Variants in PPM1D observed in about 807,000 individuals in gnomAD.
PPM1D encodes protein phosphatase, Mg2+/Mn2+ dependent 1D.
A neutral mutation model predicts 58.3 loss-of-function variants in PPM1D; 52 were observed. That is an observed-to-expected ratio of 0.89 (90% confidence interval 0.71 to 1.12). The LOEUF (loss-of-function observed/expected upper bound fraction) is 1.12. PPM1D is among the 50% of genes most tolerant of loss of function. PPM1D has a pLI of 0.00. For synonymous variants in PPM1D, 278 were observed against 285.1 expected, an observed-to-expected ratio of 0.98 and a Z score of 0.25; for missense variants, 564 against 777.2, an observed-to-expected ratio of 0.73 and a Z score of 3.26.
intron 2 of PPM1D, among the ~76,000 whole-genome samples, chr17:60,626,664 G>A (rs888118673): frequency 6.6e-6 from 1 of 151,984 alleles, no homozygotes; most frequent in African/African-American, 2.4e-5. Flanking sequence ...AAAGTGCTGG[G>A]ATTACAGGCG....
chr17:60,623,656 C>T lies in PPM1D; in HGVS notation c.608C>T (p.Pro203Leu), dbSNP rs1424685301. 6 of 1,613,952 alleles carry T rather than the reference C, an allele frequency of 3.7e-6. No individual in the cohort carries two copies. In the East Asian group the frequency reaches 6.7e-5, roughly 18 times the overall value. The change falls in exon 2 of 6, where the codon CCG (proline) becomes CTG (leucine). Residue 203 changes from proline to leucine, a missense_variant. This residue lies in a region of PPM1D where 95 missense variants were observed against 232.6 expected (regional missense o/e 0.41). Transcript: ENST00000305921. Reference sequence around the variant, plus strand: ...GTGGTTCTTGGAATTCAGGATGACCCGAAGGATGACTTTGTCAGAGCTGTG... The same window carrying T: ...GTGGTTCTTGGAATTCAGGATGACCTGAAGGATGACTTTGTCAGAGCTGTG... ...SGVVLGIQDD[P>L]KDDFVRAVEV...
rs2030171254 is a variant in PPM1D, at chr17:60,600,266, T to C, written c.-149T>C. 2.8e-6 allele frequency: 4 copies of C among 1,406,474 alleles called. No individual in the cohort carries two copies. The highest frequency in any genetic ancestry group is 2.8e-5 in the Admixed American group (1 of 36,098). 87.1% of individuals were successfully genotyped at this position (1,406,474 alleles called of 1,614,324 possible). On this transcript the variant is annotated 5_prime_UTR_variant, in exon 1 of 6. Coordinates refer to ENST00000305921, the MANE Select transcript of PPM1D (RefSeq NM_003620.4). Reference sequence around the variant, plus strand: ...CAGCTCTCGCGGACAAGTCCAGACATCGCGCGCCCCCCCTTCTCCGGGTCC... The same window carrying C: ...CAGCTCTCGCGGACAAGTCCAGACACCGCGCGCCCCCCCTTCTCCGGGTCC...
chr17:60,613,895 C>G (rs2030517299), intron 1 of PPM1D, among the ~76,000 whole-genome samples: 1 of 134,900 alleles, frequency 7.4e-6, no homozygotes, highest in African/African-American at 2.6e-5. Flanking sequence ...CTGAGGCCCC[C>G]CCCCCGCCAC....
chr17:60,614,711 C>T (rs770161856), intron 1 of PPM1D, among the ~76,000 whole-genome samples: 1 of 152,188 alleles, frequency 6.6e-6, no homozygotes, highest in African/African-American at 2.4e-5. Flanking sequence ...ACTCCTGAAG[C>T]CAGGGAGACC....
chr17:60,612,280 A>G (rs892670653), intron 1 of PPM1D, among the ~76,000 whole-genome samples: 5 of 152,094 alleles, frequency 3.3e-5, no homozygotes, highest in Admixed American at 2.0e-4. Flanking sequence ...TATTTTTTCT[A>G]TAATTTTATA....
At chr17:60,617,804 T>C (rs2030615556) in intron 1 of PPM1D, among the ~76,000 whole-genome samples, 1 of 152,166 alleles carries the variant, frequency 6.6e-6, no homozygotes, top group African/African-American at 2.4e-5. Flanking sequence ...GAAAAGGTCA[T>C]AAAACATAAA....
Position 60,600,759 on chromosome 17 carries a change from T to C in PPM1D, c.345T>C (p.Phe115=). ...DGHGGREAAQ[F]AREHLWGFIK... Reference sequence around the variant, plus strand: ...ACGGCGGGCGGGAGGCGGCACAGTTTGCCCGGGAGCACTTGTGGGGTTTCA... The same window carrying C: ...ACGGCGGGCGGGAGGCGGCACAGTTCGCCCGGGAGCACTTGTGGGGTTTCA... Residue 115 remains phenylalanine (F), a synonymous_variant, in exon 1 of 6, where the codon TTT becomes TTC. Transcript: ENST00000305921. 6.2e-7 allele frequency: 1 copy of C among 1,612,276 alleles called. No individual in the cohort carries two copies. The highest frequency in any genetic ancestry group is 2.2e-5 in the East Asian group (1 of 44,742).
chr17:60,632,968 AAAAT>A (rs1170023867), intron 2 of PPM1D, among the ~76,000 whole-genome samples: 11 of 151,858 alleles, frequency 7.2e-5, no homozygotes, highest in Non-Finnish European at 1.3e-4. Context: ...ACTCCATCTC[AAAAT>A]AAATAAATAA....
At chr17:60,650,723 T>G (rs894544750) in intron 4 of PPM1D, among the ~76,000 whole-genome samples, 4 of 152,140 alleles carry the variant, frequency 2.6e-5, no homozygotes, top group Admixed American at 6.5e-5. Flanking sequence ...GGGAGGTAAT[T>G]AGTTCAGACA....
At chr17:60,612,264 G>A (rs185861338) in intron 1 of PPM1D, among the ~76,000 whole-genome samples, 72 of 152,196 alleles carry the variant, frequency 4.7e-4, no homozygotes, top group Non-Finnish European at 7.4e-5. Flanking sequence ...TTTCTGTCTT[G>A]TAGATTATTT....
chr17:60,648,640 A>G lies in PPM1D; in HGVS notation c.1017+558A>G, dbSNP rs374721276. ...CGTGATCCGCCTGCCTTGGCCTCCC[A>G]AAGTGCTGGGATTACAGGCGTGAGC... On this transcript the variant is annotated intron_variant, in intron 4 of 5. Coordinates refer to ENST00000305921, the MANE Select transcript of PPM1D (RefSeq NM_003620.4). Among the ~76,000 whole-genome samples the G allele has an allele frequency of 9.6e-4, 146 of 152,246 alleles. 6 individuals are homozygous for G. The South Asian group carries it at 0.03, about 31-fold the overall frequency.
intron 3 of PPM1D, among the ~76,000 whole-genome samples, chr17:60,645,372 A>G (rs2031213766): frequency 6.6e-6 from 1 of 151,398 alleles, no homozygotes; most frequent in Non-Finnish European, 1.5e-5. Flanking sequence ...AGAAAAAGAT[A>G]TTGGAGACTA....
chr17:60,602,779 G>GAA (rs34932283), intron 1 of PPM1D, among the ~76,000 whole-genome samples: 11 of 95,732 alleles, frequency 1.1e-4, no homozygotes, highest in East Asian at 8.8e-4. Context: ...CTCAAAGCTT[G>GAA]AAAAAAAAAA....
At chr17:60,609,750 A>G (rs1429351132) in intron 1 of PPM1D, among the ~76,000 whole-genome samples, 5 of 152,182 alleles carry the variant, frequency 3.3e-5, no homozygotes, top group Non-Finnish European at 7.3e-5. Context: ...TTTATGTTCA[A>G]GTGACTCTTA....
At chr17:60,604,546 A>C (rs1429577315) in intron 1 of PPM1D, 3 of 152,184 alleles carry the variant, frequency 2.0e-5, no homozygotes, top group African/African-American at 7.2e-5. Flanking sequence ...GTCATATAGA[A>C]TATTAAAAAG....
intron 1 of PPM1D, among the ~76,000 whole-genome samples, chr17:60,603,628 T>C (rs1444218290): frequency 6.6e-6 from 1 of 152,146 alleles, no homozygotes; most frequent in Non-Finnish European, 1.5e-5. Context: ...CCGGGTGTGG[T>C]GGTGCATGCC....
chr17:60,618,328 T>C (rs1862339583), intron 1 of PPM1D, among the ~76,000 whole-genome samples: 1 of 152,220 alleles, frequency 6.6e-6, no homozygotes, highest in Non-Finnish European at 1.5e-5. Flanking sequence ...TAGGAGGTAG[T>C]CAAAGAGTAT....
Position 60,609,416 on chromosome 17 carries a change from A to G in PPM1D, c.472+8530A>G, listed in dbSNP as rs562560316. Among the ~76,000 whole-genome samples, 119 of 151,290 alleles carry G rather than the reference A, an allele frequency of 7.9e-4. 1 individual carries two copies. Among genetic ancestry groups the G allele is most frequent in the African/African-American group, 2.5e-3 (100 of 40,598 alleles). Reference sequence around the variant, plus strand: ...CCTGCATGGTTTTTATAACTTATATATGACATCTTACTATATGTATGCTAT... The same window carrying G: ...CCTGCATGGTTTTTATAACTTATATGTGACATCTTACTATATGTATGCTAT... On this transcript the variant is annotated intron_variant, in intron 1 of 5. Coordinates refer to ENST00000305921, the MANE Select transcript of PPM1D (RefSeq NM_003620.4).
chr17:60,661,392 GGA>G (rs753529556), intron 5 of PPM1D, among the ~76,000 whole-genome samples: 6 of 151,956 alleles, frequency 3.9e-5, no homozygotes, highest in Non-Finnish European at 7.4e-5. Context: ...CATGTTTGGG[GGA>G]GAGAGTATTT....
Sources: allele counts gnomAD v4.1 joint callset (sites outside exome capture counted in the v4.1 genomes callset), GRCh38; gene constraint gnomAD v4.1.1; regional missense constraint gnomAD v4.1.1; transcripts MANE v1.5; gene names NCBI Gene and HGNC (gene_info 2026-07-23, HGNC 2026-07-21).